Variants in TBL1XR1 observed in about 807,000 individuals in gnomAD.
The protein encoded by TBL1XR1 is F-box-like/WD repeat-containing protein TBL1XR1.
A neutral mutation model predicts 66.9 loss-of-function variants in TBL1XR1; 5 were observed. The observed-to-expected ratio is 0.07, with a 90% CI of 0.04 to 0.16. The LOEUF is 0.16. Among genes scored for constraint, TBL1XR1 ranks in the 10% least tolerant of loss-of-function variants. The probability of loss-of-function intolerance (pLI) is 1.00; values close to 1 mark genes in which losing one functional copy is unlikely to be tolerated. For synonymous variants in TBL1XR1, 210 were observed against 206.0 expected, an observed-to-expected ratio of 1.02 and a Z score of -0.17; for missense variants, 238 against 623.2, an observed-to-expected ratio of 0.38 and a Z score of 6.58.
intron 12 of TBL1XR1, 141 bp downstream of exon 12, chr3:177,037,957 G>T: frequency 3.1e-6 from 2 of 636,212 alleles, no homozygotes; most frequent in Non-Finnish European, 5.4e-6. Flanking sequence ...AAAAAACAAT[G>T]GTTAGCCATT....
intron 1 of TBL1XR1, among the ~76,000 whole-genome samples, chr3:177,181,658 A>G (rs970747898): frequency 2.0e-5 from 3 of 152,124 alleles, no homozygotes; most frequent in Non-Finnish European, 2.9e-5. Flanking sequence ...TTAAAGAGAC[A>G]AAGGACACAG....
chr3:177,083,812 A>G (rs1447656586), intron 2 of TBL1XR1, among the ~76,000 whole-genome samples: 1 of 151,974 alleles, frequency 6.6e-6, no homozygotes, highest in Non-Finnish European at 1.5e-5. Context: ...AAACTTGGCC[A>G]AGCATGGTGG....
chr3:177,169,219 C>T (rs1204022392), intron 1 of TBL1XR1, among the ~76,000 whole-genome samples: 2 of 152,124 alleles, frequency 1.3e-5, no homozygotes, highest in African/African-American at 2.4e-5. Context: ...CCATGGATAC[C>T]AATTTCTTTA....
chr3:177,156,549 TTA>T (rs1171549240), intron 1 of TBL1XR1, among the ~76,000 whole-genome samples: 1 of 120,584 alleles, frequency 8.3e-6, no homozygotes, highest in Admixed American at 8.3e-5. Flanking sequence ...ACACACACAC[TTA>T]TATATATATA....
rs577294582 is a variant in TBL1XR1 at position 177,163,732 on chromosome 3, T to G, written c.-122+33389A>C. Among the ~76,000 whole-genome samples, 3 of 151,998 alleles carry G rather than the reference T, an allele frequency of 2.0e-5. No homozygotes were observed. In the South Asian group the frequency reaches 6.2e-4, roughly 32 times the overall value. ...AGTGGTTAGCTCTAGGAAAGTAACT[T>G]GGTAGGGGTAGGGGTAGGGGAGAGA... On this transcript the variant is annotated intron_variant, in intron 1 of 15. Coordinates refer to ENST00000457928, the MANE Select transcript of TBL1XR1 (RefSeq NM_024665.7).
chr3:177,082,392 GA>G, intron 2 of TBL1XR1, among the ~76,000 whole-genome samples: 1 of 151,606 alleles, frequency 6.6e-6, no homozygotes, highest in East Asian at 1.9e-4. Flanking sequence ...AGAGAAAAAT[GA>G]AATAAATTTA....
chr3:177,051,102 AT>A (rs1577027845), intron 5 of TBL1XR1, among the ~76,000 whole-genome samples: 1 of 152,222 alleles, frequency 6.6e-6, no homozygotes, highest in African/African-American at 2.4e-5. Context: ...GTTTCTAGAT[AT>A]TTTAAAAAGA....
At chr3:177,196,040 G>A (rs1227297726) in intron 1 of TBL1XR1, among the ~76,000 whole-genome samples, 1 of 152,006 alleles carries the variant, frequency 6.6e-6, no homozygotes, top group Non-Finnish European at 1.5e-5. Flanking sequence ...TTTTTTAAAA[G>A]CCACAACCCA....
At chr3:177,060,868 AG>A (rs1294565176) in intron 3 of TBL1XR1, among the ~76,000 whole-genome samples, 1 of 152,264 alleles carries the variant, frequency 6.6e-6, no homozygotes, top group Non-Finnish European at 1.5e-5. Context: ...CACTAATTAA[AG>A]GAACAATACT....
chr3:177,090,807 C>T (rs1240922049), intron 2 of TBL1XR1, among the ~76,000 whole-genome samples: 1 of 151,874 alleles, frequency 6.6e-6, no homozygotes, highest in Non-Finnish European at 1.5e-5. Flanking sequence ...GAGACTCCGT[C>T]TCGAAATAAA....
chr3:177,104,967 A>C (rs1335866493), intron 1 of TBL1XR1, among the ~76,000 whole-genome samples: 1 of 152,210 alleles, frequency 6.6e-6, no homozygotes, highest in Non-Finnish European at 1.5e-5. Context: ...CTTAAAATTA[A>C]AGGTTGGTTT....
In TBL1XR1 at chr3:177,053,723, C is replaced by T. The variant is rs146514255; in HGVS notation, c.204+50G>A. 290 of 1,536,908 alleles carry T rather than the reference C, an allele frequency of 1.9e-4. 1 individual carries two copies. The East Asian group carries it at 3.2e-3, about 17-fold the overall frequency. On this transcript the variant is annotated intron_variant, in intron 4 of 15. Coordinates refer to ENST00000457928, the MANE Select transcript of TBL1XR1 (RefSeq NM_024665.7). ...TAAGCAAGCAAGACAGCTGACTTAA[C>T]GGCATATTTAAGATGAAAAAAATCA...
chr3:177,088,988 A>G (rs939149844), intron 2 of TBL1XR1, among the ~76,000 whole-genome samples: 3 of 152,188 alleles, frequency 2.0e-5, no homozygotes, highest in African/African-American at 7.2e-5. Flanking sequence ...AGTAGGTAAT[A>G]ATCATTGACT....
chr3:177,072,116 C>A (rs777234988), intron 2 of TBL1XR1, among the ~76,000 whole-genome samples: 49 of 152,100 alleles, frequency 3.2e-4, no homozygotes, highest in Non-Finnish European at 6.9e-4. Context: ...TTAGAAGATT[C>A]TTTCTTAAAA....
At chr3:177,142,508 A>G (rs1729750728) in intron 1 of TBL1XR1, among the ~76,000 whole-genome samples, 1 of 152,124 alleles carries the variant, frequency 6.6e-6, no homozygotes, top group African/African-American at 2.4e-5. Flanking sequence ...TTTATGGAGA[A>G]GTGTTTTCAT....
At chr3:177,063,545 T>C (rs1026527756) in intron 3 of TBL1XR1, among the ~76,000 whole-genome samples, 9 of 152,354 alleles carry the variant, frequency 5.9e-5, no homozygotes, top group East Asian at 5.8e-4. Context: ...TTTTTCCATT[T>C]GGGTTGAAAG....
chr3:177,107,907 T>C (rs1725080278), intron 1 of TBL1XR1, among the ~76,000 whole-genome samples: 1 of 152,144 alleles, frequency 6.6e-6, no homozygotes, highest in Admixed American at 6.5e-5. Context: ...TTTTTTTATT[T>C]TGCAGGCCAT....
chr3:177,066,489 G>C (rs1436042648), intron 2 of TBL1XR1, among the ~76,000 whole-genome samples: 1 of 152,204 alleles, frequency 6.6e-6, no homozygotes, highest in Non-Finnish European at 1.5e-5. Context: ...AGTGAGGACA[G>C]AGACGAGTAA....
At chr3:177,135,371 ATATATATATATG>A (rs1264070202) in intron 1 of TBL1XR1, among the ~76,000 whole-genome samples, 1,087 of 32,122 alleles carry the variant, frequency 0.034, 50 homozygotes, top group African/African-American at 0.056. Context: ...ATATATATAT[ATATATATATATG>A]TATGTATTTT....
Sources: gnomAD v4.1 joint callset for allele counts (sites outside exome capture counted in the v4.1 genomes callset) on GRCh38, gnomAD v4.1.1 for gene constraint, MANE v1.5 for transcripts, NCBI Gene and HGNC (gene_info 2026-07-23, HGNC 2026-07-21) for gene names.